Variants in ADK observed in about 807,000 individuals in gnomAD.
ADK encodes the protein N6,N6-dimethyladenosine kinase.
Under a neutral mutation model 44.7 loss-of-function variants are expected in ADK, and 24 were observed. The observed-to-expected ratio is 0.54, with a 90% CI of 0.39 to 0.76. ADK has a LOEUF of 0.76. Among genes scored for constraint, ADK ranks in the 30% least tolerant of loss-of-function variants. The pLI, the probability that ADK is intolerant of heterozygous loss-of-function variation, is 0.00. For missense variants in ADK, 321 were observed against 425.1 expected (o/e 0.76, Z 2.15); for synonymous variants, 128 against 142.6 (o/e 0.90, Z 0.73).
At chr10:74,349,600 A>G (rs960598711) in intron 4 of ADK, among the ~76,000 whole-genome samples, 10 of 152,226 alleles carry the variant, frequency 6.6e-5, no homozygotes, top group African/African-American at 2.4e-4. Flanking sequence ...AAATGCCCCA[A>G]TTAAAAGACA....
intron 2 of ADK, among the ~76,000 whole-genome samples, chr10:74,212,282 T>C (rs1843844215): frequency 6.6e-6 from 1 of 152,228 alleles, no homozygotes; most frequent in Non-Finnish European, 1.5e-5. Flanking sequence ...TAAGTAAACA[T>C]AGATTCTTTT....
At chr10:74,572,790 C>G (rs1431042120) in intron 7 of ADK, among the ~76,000 whole-genome samples, 2 of 152,290 alleles carry the variant, frequency 1.3e-5, no homozygotes, top group East Asian at 1.9e-4. Flanking sequence ...TCCAGTTGAT[C>G]GAATCGGCTC....
At chr10:74,499,549 G>A (rs1032704846) in intron 6 of ADK, among the ~76,000 whole-genome samples, 1 of 152,078 alleles carries the variant, frequency 6.6e-6, no homozygotes, top group African/African-American at 2.4e-5. Context: ...TTAGCCAGGC[G>A]TGGTGGCGGG....
intron 7 of ADK, among the ~76,000 whole-genome samples, chr10:74,567,424 A>G (rs1284424353): frequency 1.3e-5 from 2 of 152,228 alleles, no homozygotes; most frequent in African/African-American, 4.8e-5. Flanking sequence ...CCACATAGTT[A>G]AATAAATTAA....
At chr10:74,347,560 C>T (rs543236711) in intron 4 of ADK, among the ~76,000 whole-genome samples, 4 of 152,170 alleles carry the variant, frequency 2.6e-5, no homozygotes, top group South Asian at 4.2e-4. Context: ...GGAACCCCAG[C>T]GAGACAGAAC....
chr10:74,274,108 T>C (rs909540827), intron 3 of ADK, among the ~76,000 whole-genome samples: 1 of 152,142 alleles, frequency 6.6e-6, no homozygotes, highest in African/African-American at 2.4e-5. Context: ...CTTTGCACAG[T>C]TGAAAATTGA....
intron 9 of ADK, among the ~76,000 whole-genome samples, chr10:74,620,396 A>G (rs915271521): frequency 6.6e-6 from 1 of 152,190 alleles, no homozygotes; most frequent in East Asian, 1.9e-4. Flanking sequence ...GGCTTATTTC[A>G]TGTAACATAA....
At chr10:74,632,987 T>G (rs947505835) in intron 9 of ADK, among the ~76,000 whole-genome samples, 1 of 152,228 alleles carries the variant, frequency 6.6e-6, no homozygotes, top group Non-Finnish European at 1.5e-5. Context: ...TTCACAGAGC[T>G]CTAGCTCATT....
intron 3 of ADK, among the ~76,000 whole-genome samples, chr10:74,243,830 C>A (rs1347230143): frequency 6.6e-6 from 1 of 152,108 alleles, no homozygotes; most frequent in Non-Finnish European, 1.5e-5. Context: ...ACACTGCATT[C>A]CAGCCTGAGT....
At chr10:74,468,050 ACTTCT>A (rs1250380707) in intron 6 of ADK, among the ~76,000 whole-genome samples, 1 of 152,106 alleles carries the variant, frequency 6.6e-6, no homozygotes. Flanking sequence ...GTACAACTGT[ACTTCT>A]CTTCTCAAGT....
At chr10:74,221,128 C>T (rs1189996183) in intron 2 of ADK, among the ~76,000 whole-genome samples, 269 of 130,744 alleles carry the variant, frequency 2.1e-3, no homozygotes, top group Middle Eastern at 3.4e-3. Context: ...ACCCCATTGT[C>T]TCAGCCCAAA....
At chr10:74,395,774 T>G (rs1843483521) in intron 5 of ADK, among the ~76,000 whole-genome samples, 1 of 152,202 alleles carries the variant, frequency 6.6e-6, no homozygotes, top group African/African-American at 2.4e-5. Context: ...ATCCCAGCAC[T>G]TTGGGAGGCC....
chr10:74,601,939 G>GTAA (rs1852143696), intron 9 of ADK, among the ~76,000 whole-genome samples: 4 of 139,236 alleles, frequency 2.9e-5, no homozygotes, highest in African/African-American at 1.0e-4. Context: ...AAAAAAAATG[G>GTAA]AAAAAAAAAA....
At chr10:74,270,979 G>A (rs1212599312) in intron 3 of ADK, among the ~76,000 whole-genome samples, 1 of 152,160 alleles carries the variant, frequency 6.6e-6, no homozygotes, top group Non-Finnish European at 1.5e-5. Flanking sequence ...CCAATTTTTA[G>A]TGTAGACAAA....
chr10:74,473,695 A>G (rs942232965), intron 6 of ADK, among the ~76,000 whole-genome samples: 3 of 152,220 alleles, frequency 2.0e-5, no homozygotes, highest in Non-Finnish European at 2.9e-5. Flanking sequence ...TGTACGTAGT[A>G]TCAATCTGTT....
chr10:74,621,596 T>G (rs1011926341), intron 9 of ADK, among the ~76,000 whole-genome samples: 5 of 152,206 alleles, frequency 3.3e-5, no homozygotes, highest in African/African-American at 9.7e-5. Flanking sequence ...TTTTTTCTAT[T>G]TCTGTGAAGA....
intron 9 of ADK, among the ~76,000 whole-genome samples, chr10:74,626,171 A>G (rs1371462943): frequency 6.6e-6 from 1 of 152,234 alleles, no homozygotes; most frequent in Non-Finnish European, 1.5e-5. Flanking sequence ...AAATCCACAT[A>G]GAAGCAGCAG....
chr10:74,544,635 G>T (rs111261841), intron 7 of ADK, among the ~76,000 whole-genome samples: 3,760 of 152,176 alleles, frequency 0.025, 136 homozygotes, highest in African/African-American at 0.073. Flanking sequence ...CCAGCATTTT[G>T]GGGGGCTGAG....
chr10:74,698,839 A>G (rs1210646788), intron 10 of ADK, among the ~76,000 whole-genome samples: 5 of 151,602 alleles, frequency 3.3e-5, no homozygotes. Flanking sequence ...GATTACAGGC[A>G]TGAGCCACCA....
Sources: gnomAD v4.1 joint callset for allele counts (sites outside exome capture counted in the v4.1 genomes callset) on GRCh38, gnomAD v4.1.1 for gene constraint, MANE v1.5 for transcripts, NCBI Gene and HGNC (gene_info 2026-07-23, HGNC 2026-07-21) for gene names.